KIF1B: variants seen among roughly 807,000 people sequenced by gnomAD.
KIF1B encodes the protein kinesin family member 1B, also known as kinesin-like protein KIF1B.
Under a neutral mutation model 241.9 loss-of-function variants are expected in KIF1B, and 76 were observed. The observed-to-expected ratio is 0.31, with a 90% confidence interval of 0.26 to 0.38. The LOEUF is 0.38. Ranked by LOEUF, KIF1B falls within the 10% of genes least tolerant of loss-of-function variation. The pLI, the probability that KIF1B is intolerant of heterozygous loss-of-function variation, is 1.00. For synonymous variants in KIF1B, 750 were observed against 796.7 expected, an observed-to-expected ratio of 0.94 and a Z score of 0.99; for missense variants, 1,622 against 2,271.4, an observed-to-expected ratio of 0.71 and a Z score of 5.81.
At chr1:10,218,749 T>C (rs942366753) in intron 1 of KIF1B, among the ~76,000 whole-genome samples, 29 of 152,220 alleles carry the variant, frequency 1.9e-4, no homozygotes, top group Admixed American at 1.2e-3. Context: ...AAAAGCTTGC[T>C]GTGTCGTTTG....
chr1:10,268,656 G>T (rs1382157841), intron 7 of KIF1B, among the ~76,000 whole-genome samples: 14 of 142,834 alleles, frequency 9.8e-5, no homozygotes, highest in African/African-American at 3.7e-4. Flanking sequence ...CTATGATAAT[G>T]TTATAGTGGG....
rs2102363484 is a variant in KIF1B at position 10,375,034 on chromosome 1, G to A, written c.5277G>A (p.Gln1759=). The A allele has an allele frequency of 6.2e-7, 1 of 1,614,138 alleles. No homozygotes were observed. The highest frequency in any genetic ancestry group is 2.2e-5 in the East Asian group (1 of 44,882). The change falls in exon 47 of 49, where the codon CAG becomes CAA. Residue 1759 remains glutamine, a synonymous_variant. Coordinates refer to ENST00000676179, the MANE Select transcript of KIF1B (RefSeq NM_001365951.3). Reference sequence around the variant, plus strand: ...AGGTGGAGTACAGTGAGGACCAGCAGGCCATGGTGAAGGTCCGTCCTGCCC... The same window carrying A: ...AGGTGGAGTACAGTGAGGACCAGCAAGCCATGGTGAAGGTCCGTCCTGCCC... ...TAQVEYSEDQ[Q]AMVKTPNTFA...
intron 15 of KIF1B, among the ~76,000 whole-genome samples, chr1:10,283,017 C>T (rs995454182): frequency 6.6e-6 from 1 of 151,932 alleles, no homozygotes. Context: ...ACCATCCTGG[C>T]TAACACGGTG....
intron 2 of KIF1B, among the ~76,000 whole-genome samples, chr1:10,241,101 G>A (rs984917103): frequency 6.6e-6 from 1 of 151,998 alleles, no homozygotes; most frequent in South Asian, 2.1e-4. Flanking sequence ...TATGTAAGTT[G>A]TTCTTGTGGT....
intron 16 of KIF1B, 140 bp from the exon 17 acceptor site, chr1:10,291,907 C>A (rs1650018516): frequency 2.8e-6 from 2 of 707,490 alleles, no homozygotes; most frequent in Non-Finnish European, 5.1e-6. Context: ...ATGAGATAAG[C>A]ACATTATTTT....
intron 15 of KIF1B, among the ~76,000 whole-genome samples, chr1:10,289,255 A>G (rs1197298151): frequency 1.3e-5 from 2 of 152,094 alleles, no homozygotes; most frequent in Non-Finnish European, 2.9e-5. Context: ...CACCCATGTT[A>G]CAGAGACCTG....
intron 15 of KIF1B, among the ~76,000 whole-genome samples, chr1:10,285,700 G>A (rs749247431): frequency 2.6e-5 from 4 of 152,168 alleles, no homozygotes; most frequent in Non-Finnish European, 5.9e-5. Flanking sequence ...CTTATTTTGT[G>A]AATGGTGAGA....
chr1:10,293,758 A>G (rs1650125000), intron 17 of KIF1B, among the ~76,000 whole-genome samples: 2 of 152,222 alleles, frequency 1.3e-5, no homozygotes, highest in Admixed American at 1.3e-4. Context: ...AATAACTTGA[A>G]CAAATGTTGA....
intron 1 of KIF1B, among the ~76,000 whole-genome samples, chr1:10,229,892 A>AAAAAG (rs1646958458): frequency 6.7e-6 from 1 of 149,368 alleles, no homozygotes; most frequent in African/African-American, 2.5e-5. Flanking sequence ...AAAAAAAAAA[A>AAAAAG]AAAGAAAAGA....
intron 2 of KIF1B, among the ~76,000 whole-genome samples, chr1:10,255,437 A>C (rs142645014): frequency 0.019 from 2,850 of 152,146 alleles, 41 homozygotes; most frequent in Non-Finnish European, 0.028. Context: ...TAAAAATAAA[A>C]AAATTAGCCA....
intron 24 of KIF1B, among the ~76,000 whole-genome samples, chr1:10,322,076 C>A (rs1651546138): frequency 6.6e-6 from 1 of 152,174 alleles, no homozygotes; most frequent in African/African-American, 2.4e-5. Context: ...TGTTTTCTAG[C>A]TTATTTTACA....
chr1:10,259,966 A>G (rs1335538091), intron 4 of KIF1B, among the ~76,000 whole-genome samples: 1 of 152,264 alleles, frequency 6.6e-6, no homozygotes, highest in Non-Finnish European at 1.5e-5. Flanking sequence ...TTAAGAAAAA[A>G]AAAAGATTAA....
intron 1 of KIF1B, among the ~76,000 whole-genome samples, chr1:10,212,913 T>TAG (rs1436874787): frequency 1.6e-5 from 2 of 127,084 alleles, no homozygotes; most frequent in African/African-American, 6.0e-5. Flanking sequence ...TATATATATA[T>TAG]ATATATATAT....
intron 13 of KIF1B, chr1:10,278,846 T>G (rs967773242): frequency 2.5e-5 from 11 of 432,980 alleles, no homozygotes; most frequent in East Asian, 1.3e-4. Context: ...AGTAAAGCAT[T>G]TTTTTTTAGT....
chr1:10,349,969 C>A (rs116685992), intron 37 of KIF1B, among the ~76,000 whole-genome samples: 2,900 of 152,242 alleles, frequency 0.019, 41 homozygotes, highest in Non-Finnish European at 0.028. Flanking sequence ...TTCTAATTAC[C>A]ATAATTTCCA....
intron 39 of KIF1B, among the ~76,000 whole-genome samples, 173 bp from the exon 40 acceptor site, chr1:10,361,519 A>C (rs1461228115): frequency 1.3e-5 from 2 of 152,244 alleles, no homozygotes; most frequent in Admixed American, 6.5e-5. Context: ...ATCTCTAAGG[A>C]GTACTACCTA....
intron 1 of KIF1B, among the ~76,000 whole-genome samples, chr1:10,228,004 G>T (rs1344376239): frequency 5.3e-5 from 8 of 151,806 alleles, no homozygotes; most frequent in Admixed American, 5.3e-4. Context: ...GGCCTACATG[G>T]TGAAACCCTG....
intron 34 of KIF1B, among the ~76,000 whole-genome samples, chr1:10,344,442 T>C (rs1208671967): frequency 1.3e-5 from 2 of 152,220 alleles, no homozygotes; most frequent in Non-Finnish European, 2.9e-5. Context: ...GTATCACATT[T>C]TCTTCCTAGA....
At chr1:10,305,891 C>T (rs1007754936) in intron 22 of KIF1B, 26 of 1,052,108 alleles carry the variant, frequency 2.5e-5, no homozygotes, top group East Asian at 5.4e-5. Context: ...CAGAGATGTC[C>T]GAAATTGCCT....
Sources: allele counts gnomAD v4.1 joint callset (sites outside exome capture counted in the v4.1 genomes callset), GRCh38; gene constraint gnomAD v4.1.1; transcripts MANE v1.5; gene names NCBI Gene and HGNC (gene_info 2026-07-23, HGNC 2026-07-21).